SELE: variants seen among roughly 807,000 people sequenced by gnomAD.
SELE encodes E-selectin.
SELE carries 52 observed loss-of-function variants against 75.8 expected under a neutral mutation model. That is an observed-to-expected ratio of 0.69 (90% confidence interval 0.55 to 0.86). The LOEUF is 0.86. Ranked by LOEUF, SELE falls within the 40% of genes least tolerant of loss-of-function variation. SELE has a pLI of 0.00. For missense variants in SELE, 754 were observed against 732.7 expected, an observed-to-expected ratio of 1.03 and a Z score of -0.34; for synonymous variants, 285 against 258.7, an observed-to-expected ratio of 1.10 and a Z score of -0.98.
intron 7 of SELE, 21 bp from the exon 8 acceptor site, chr1:169,728,267 T>C: frequency 1.9e-6 from 3 of 1,610,814 alleles, no homozygotes; most frequent in Non-Finnish European, 2.5e-6. Flanking sequence ...AAAATGATGG[T>C]CAGAAAATAT....
At chr1:169,731,601 A>G in intron 4 of SELE, 1 of 430,228 alleles carries the variant, frequency 2.3e-6, no homozygotes, top group Non-Finnish European at 4.3e-6. Flanking sequence ...TCATTTTACA[A>G]TGAGAAAACT....
chr1:169,726,405 A>G (rs1330316951), intron 11 of SELE, among the ~76,000 whole-genome samples: 1 of 152,158 alleles, frequency 6.6e-6, no homozygotes, highest in Non-Finnish European at 1.5e-5. Flanking sequence ...TTTTCCTTAG[A>G]GTGCTCATCA....
Position 169,727,331 on chromosome 1 carries a change from C to G in SELE, c.1645+18G>C. 1 of 1,598,752 alleles carries G rather than the reference C, an allele frequency of 6.3e-7. No homozygotes were observed. Among genetic ancestry groups the G allele is most frequent in the Non-Finnish European group, 8.5e-7 (1 of 1,171,058 alleles). On this transcript the variant is annotated intron_variant, in intron 10 of 13. Transcript: ENST00000333360. ...TTCTTTTTAATCACCAGACAACCACCATCAATCAATGCATCACCTTCACAG... is the reference window on the plus strand; with the variant it reads ...TTCTTTTTAATCACCAGACAACCACGATCAATCAATGCATCACCTTCACAG...
intron 10 of SELE, 102 bp from the exon 11 acceptor site, chr1:169,726,908 G>T: frequency 3.9e-6 from 3 of 759,896 alleles, no homozygotes; most frequent in Non-Finnish European, 6.7e-6. Flanking sequence ...ATTACTAGGA[G>T]CAGAAGAGCT....
Position 169,732,807 on chromosome 1 carries a change from CTT to C in SELE, c.227_228del (p.Lys76SerfsTer25). On this transcript the variant is annotated frameshift_variant, in exon 3 of 14. Coordinates refer to ENST00000333360, the MANE Select transcript of SELE (RefSeq NM_000450.2). LOFTEE classifies it high-confidence loss of function. ...CCTACCCAGACCCACACATTGTTGA[CTT>C]TTCTGATTCCAATCCAGTAATAACT... ...SPSYYWIGIRKVNNVWVWVGT... is the reference protein window; with the variant it reads ...SPSYYWIGIRXVNNVWVWVGT... The C allele has an allele frequency of 2.5e-6, 4 of 1,614,142 alleles. No homozygotes were observed. The highest frequency in any genetic ancestry group is 3.4e-6 in the Non-Finnish European group (4 of 1,180,020).
chr1:169,731,041 G>A (rs1466544005), intron 4 of SELE, among the ~76,000 whole-genome samples: 3 of 152,120 alleles, frequency 2.0e-5, no homozygotes, highest in Non-Finnish European at 2.9e-5. Context: ...TTAAGTACTA[G>A]AATACATTAC....
intron 3 of SELE, 106 bp from the exon 4 acceptor site, chr1:169,732,048 A>C (rs1648925126): frequency 1.5e-6 from 1 of 667,454 alleles, no homozygotes; most frequent in Non-Finnish European, 2.6e-6. Context: ...GCAGTCCTAC[A>C]GAGTGCCATA....
At position 169,724,204 on chromosome 1, in the gene SELE, A is replaced by G. The variant is rs1648689406; in HGVS notation, c.*321T>C. ...CAAGATTTTACAGCGAGCAAGGGAG[A>G]GTTAGAAAAGGAATTCTGAGATTTC... is the stretch of plus-strand genomic sequence containing the variant. On this transcript the variant is annotated 3_prime_UTR_variant, in exon 14 of 14. Coordinates refer to ENST00000333360, the MANE Select transcript of SELE (RefSeq NM_000450.2). 6.6e-6 allele frequency: 1 copy of G among 152,220 alleles called. No individual in the cohort carries two copies. Among genetic ancestry groups the G allele is most frequent in the African/African-American group, 2.4e-5 (1 of 41,458 alleles). The allele number at this position is 152,220 out of a possible 1,614,324, so 9.4% of individuals were successfully genotyped here.
At position 169,732,773 on chromosome 1, in the gene SELE, T is replaced by G; in HGVS notation, c.263A>C (p.Lys88Thr). 1 of 1,614,174 alleles carries G rather than the reference T, an allele frequency of 6.2e-7. No homozygotes were observed. The highest frequency in any genetic ancestry group is 8.5e-7 in the Non-Finnish European group (1 of 1,180,016). Residue 88 changes from lysine (K) to threonine (T), a missense_variant, in exon 3 of 14, where the codon AAA becomes ACA. Coordinates refer to ENST00000333360, the MANE Select transcript of SELE (RefSeq NM_000450.2). ...NNVWVWVGTQKPLTEEAKNWA... is the reference protein window; with the variant it reads ...NNVWVWVGTQTPLTEEAKNWA... ...GTTCTTGGCTTCTTCTGTCAGAGGT[T>G]TCTGGGTTCCTACCCAGACCCACAC...
intron 12 of SELE, 25 bp from the exon 13 acceptor site, chr1:169,725,826 G>A (rs769012895): frequency 6.2e-7 from 1 of 1,613,858 alleles, no homozygotes; most frequent in South Asian, 1.1e-5. Context: ...AGAACACTAG[G>A]TAAAGCACTG....
intron 9 of SELE, 30 bp downstream of exon 9, chr1:169,727,703 GACCTGT>G: frequency 6.2e-7 from 1 of 1,601,546 alleles, no homozygotes; most frequent in Non-Finnish European, 8.5e-7. Flanking sequence ...TGAAGTATTT[GACCTGT>G]ACCCTAAAAA....
At chr1:169,729,796 A>T in intron 5 of SELE, 123 bp from the exon 6 acceptor site, 1 of 779,748 alleles carries the variant, frequency 1.3e-6, no homozygotes, top group Non-Finnish European at 2.1e-6. Context: ...GTCCTATGTC[A>T]ATTCTTAGGG....
Position 169,730,433 on chromosome 1 carries a change from A to G in SELE, c.714T>C (p.Asn238=). The G allele has an allele frequency of 1.3e-6, 2 of 1,585,890 alleles. No individual in the cohort carries two copies. Among genetic ancestry groups the G allele is most frequent in the South Asian group, 1.2e-5 (1 of 86,532 alleles). ...CTGTGCATTCTCAGAGGGATTTACC[A>G]TTGCAGGCTGGAATAGGAGCACTCC... ...GEWSAPIPAC[N]VVECDAVTNP... The change falls in exon 5 of 14, where the codon AAT becomes AAC. Residue 238 remains asparagine, a splice_region_variant and synonymous_variant. Transcript: ENST00000333360.
intron 12 of SELE, 44 bp from the exon 13 acceptor site, chr1:169,725,845 C>T (rs1648750864): frequency 1.2e-6 from 2 of 1,613,476 alleles, no homozygotes; most frequent in Admixed American, 1.7e-5. Flanking sequence ...TGTCTTCCAA[C>T]ATGAAGAGAG....
chr1:169,729,214 C>T lies in SELE; in HGVS notation c.1062G>A (p.Gln354=), dbSNP rs1454821766. ...CACAAACTGGGATTTGCTGTGTCCA[C>T]TGCCCTTGAGTGGTGCATTCAACCT... ...PAQVECTTQG[Q]WTQQIPVCEA... is the part of the protein sequence containing the mutation. Residue 354 remains glutamine, a synonymous_variant, in exon 7 of 14, where the codon CAG becomes CAA. Coordinates refer to ENST00000333360, the MANE Select transcript of SELE (RefSeq NM_000450.2). The T allele has an allele frequency of 6.2e-7, 1 of 1,612,976 alleles. No individual in the cohort carries two copies. The highest frequency in any genetic ancestry group is 2.2e-5 in the East Asian group (1 of 44,846).
intron 7 of SELE, 56 bp downstream of exon 7, chr1:169,729,128 CCA>C (rs1359298256): frequency 6.8e-7 from 1 of 1,468,336 alleles, no homozygotes; most frequent in Non-Finnish European, 9.2e-7. Context: ...TTTTCACTGT[CCA>C]AGTTTGAAGA....
chr1:169,732,824 C>T lies in SELE; in HGVS notation c.212G>A (p.Trp71Ter). The stretch of plus-strand genomic sequence containing the variant: ...ATTGTTGACTTTTCTGATTCCAATC[C>T]AGTAATAACTTGGTGAATAGCTCAA... Reference protein sequence around the residue: ...SILSYSPSYYWIGIRKVNNVW... With the variant: ...SILSYSPSYY The change falls in exon 3 of 14, where the codon TGG becomes TAG. Residue 71 changes from tryptophan (W) to a stop codon, truncating the protein, a stop_gained. Transcript: ENST00000333360. LOFTEE classifies it high-confidence loss of function. 6.2e-7 allele frequency: 1 copy of T among 1,614,094 alleles called. No individual in the cohort carries two copies. The highest frequency in any genetic ancestry group is 8.5e-7 in the Non-Finnish European group (1 of 1,180,010).
In SELE at chr1:169,728,217, C is replaced by T. The variant is rs764857890; in HGVS notation, c.1120G>A (p.Glu374Lys). 31 of 1,613,816 alleles carry T rather than the reference C, an allele frequency of 1.9e-5. No individual in the cohort carries two copies. Among genetic ancestry groups the T allele is most frequent in the Middle Eastern group, 1.6e-4 (1 of 6,080 alleles). Residue 374 changes from glutamate (E) to lysine (K), a missense_variant, in exon 8 of 14, where the codon GAG (glutamate) becomes AAG (lysine). Physicochemically the swap from Glu to Lys is moderately conservative, Grantham distance 56. Transcript: ENST00000333360. ...AFQCTALSNP[E>K]RGYMNCLPSA... The stretch of plus-strand genomic sequence containing the variant: ...GGAAGACAATTCATGTAGCCTCGCT[C>T]GGGGTTGGACAAGGCTGTGCACTGG...
chr1:169,733,715 A>T, intron 1 of SELE, 55 bp from the exon 2 acceptor site: 1 of 1,125,364 alleles, frequency 8.9e-7, no homozygotes, highest in African/African-American at 1.5e-5. Context: ...GTAGCTAGTT[A>T]CATTATTCTA....
Sources: allele counts gnomAD v4.1 joint callset (sites outside exome capture counted in the v4.1 genomes callset), GRCh38; gene constraint gnomAD v4.1.1; transcripts MANE v1.5; gene names NCBI Gene and HGNC (gene_info 2026-07-23, HGNC 2026-07-21).